The following RABGAP1L variants were observed in gnomAD, a reference collection of about 807,000 sequenced individuals.
RABGAP1L encodes rab GTPase-activating protein 1-like.
RABGAP1L carries 63 observed loss-of-function variants against 137.7 expected under a neutral mutation model. The ratio of observed to expected loss-of-function variants is 0.46; its 90% CI spans 0.37 to 0.56. RABGAP1L has a LOEUF of 0.56. Among genes scored for constraint, RABGAP1L ranks in the 20% least tolerant of loss-of-function variants. RABGAP1L has a pLI of 0.00. For missense variants in RABGAP1L, 1,095 were observed against 1,244.0 expected, an observed-to-expected ratio of 0.88 and a Z score of 1.80; for synonymous variants, 431 against 433.7, an observed-to-expected ratio of 0.99 and a Z score of 0.08.
rs1375247000 is a variant in RABGAP1L at position 174,567,219 on chromosome 1, T to A, written c.1711-70156T>A. 2.6e-5 allele frequency among the ~76,000 whole-genome samples: 4 copies of A among 152,172 alleles called. No individual in the cohort carries two copies. The East Asian group carries it at 7.7e-4, about 29-fold the overall frequency. On this transcript the variant is annotated intron_variant, in intron 13 of 25. Transcript: ENST00000681986. ...CAGCCCCTGGTAACCTACTCTACTT[T>A]GTCTTTATGAATTTGCCTATTCTAA...
intron 19 of RABGAP1L, among the ~76,000 whole-genome samples, chr1:174,925,723 C>G (rs775168342): frequency 6.6e-6 from 1 of 151,552 alleles, no homozygotes; most frequent in African/African-American, 2.4e-5. Flanking sequence ...TGAAAATGTT[C>G]TATATGTAAA....
At chr1:174,662,259 A>G (rs992135593) in intron 14 of RABGAP1L, among the ~76,000 whole-genome samples, 1 of 151,580 alleles carries the variant, frequency 6.6e-6, no homozygotes, top group Non-Finnish European at 1.5e-5. Context: ...GTGTACCACC[A>G]CGCCCAACTA....
chr1:174,926,006 G>T (rs567861148), intron 19 of RABGAP1L, among the ~76,000 whole-genome samples: 349 of 150,316 alleles, frequency 2.3e-3, no homozygotes, highest in Middle Eastern at 0.014. Flanking sequence ...TGGGTCTACA[G>T]GTGTGCGCCA....
intron 13 of RABGAP1L, among the ~76,000 whole-genome samples, chr1:174,403,711 C>A (rs1648917854): frequency 6.6e-6 from 1 of 151,718 alleles, no homozygotes; most frequent in Non-Finnish European, 1.5e-5. Context: ...TAGGTAACTT[C>A]CAGTTACAAA....
At chr1:174,283,663 C>T (rs1675784666) in intron 10 of RABGAP1L, among the ~76,000 whole-genome samples, 2 of 152,012 alleles carry the variant, frequency 1.3e-5, no homozygotes, top group Admixed American at 6.6e-5. Context: ...CCCACCACCA[C>T]GCCTGTCTAA....
At chr1:174,301,588 G>C (rs1677712496) in intron 10 of RABGAP1L, among the ~76,000 whole-genome samples, 1 of 151,848 alleles carries the variant, frequency 6.6e-6, no homozygotes, top group Non-Finnish European at 1.5e-5. Flanking sequence ...ATCACGCTGA[G>C]AATTGAAGAG....
intron 13 of RABGAP1L, among the ~76,000 whole-genome samples, chr1:174,561,371 A>G (rs148187141): frequency 0.025 from 3,787 of 152,342 alleles, 60 homozygotes; most frequent in Non-Finnish European, 0.036. Context: ...ACACAAACAA[A>G]TGGAAAGACA....
intron 19 of RABGAP1L, among the ~76,000 whole-genome samples, chr1:174,909,957 G>A (rs1011689779): frequency 2.0e-5 from 3 of 152,182 alleles, no homozygotes; most frequent in African/African-American, 7.2e-5. Flanking sequence ...AGCTAACACG[G>A]TGAAACCCCG....
intron 1 of RABGAP1L, among the ~76,000 whole-genome samples, chr1:174,215,709 G>T (rs1004019115): frequency 6.6e-6 from 1 of 152,034 alleles, no homozygotes; most frequent in South Asian, 2.1e-4. Flanking sequence ...GGTAACCCTG[G>T]TACACTGTTG....
At chr1:174,800,510 T>G in intron 18 of RABGAP1L, 1 of 1,549,912 alleles carries the variant, frequency 6.5e-7, no homozygotes, top group South Asian at 1.2e-5. Context: ...GGTGAGATTG[T>G]TTTTCATTGA....
chr1:174,988,709 C>T lies in RABGAP1L; in HGVS notation c.2874C>T (p.Ala958=). The T allele has an allele frequency of 1.3e-6, 2 of 1,548,658 alleles. No individual in the cohort carries two copies. Among genetic ancestry groups the T allele is most frequent in the Non-Finnish European group, 1.7e-6 (2 of 1,146,044 alleles). ...AGGAGGGTGCTTTGAAACTAGCAGC[C>T]ACAGGCAGAGAGGACCAGGGAATTG... ...FSKEGALKLA[A]TGREDQGIET... is the part of the protein sequence containing the mutation. Residue 958 remains alanine (A), a synonymous_variant, in exon 25 of 26, where the codon GCC becomes GCT. Coordinates refer to ENST00000681986, the MANE Select transcript of RABGAP1L (RefSeq NM_001366446.1).
At chr1:174,332,393 T>G in intron 11 of RABGAP1L, among the ~76,000 whole-genome samples, 1 of 151,746 alleles carries the variant, frequency 6.6e-6, no homozygotes. Flanking sequence ...TATTTATTTA[T>G]TTATTTATTT....
At position 174,305,085 on chromosome 1, in the gene RABGAP1L, G is replaced by A; in HGVS notation, c.1423G>A (p.Gly475Arg). Residue 475 changes from glycine to arginine, a missense_variant, in exon 11 of 26, where the codon GGA (glycine) becomes AGA (arginine). Coordinates refer to ENST00000681986, the MANE Select transcript of RABGAP1L (RefSeq NM_001366446.1). The part of the protein sequence containing the change: ...DKEEPVTPTS[G>R]GGPMSPQDDE... The stretch of plus-strand genomic sequence containing the variant: ...GGAGGAACCAGTCACTCCTACTAGT[G>A]GAGGGGGTCCAATGTCACCCCAGGA... The A allele has an allele frequency of 6.4e-7, 1 of 1,553,860 alleles. No homozygotes were observed. The highest frequency in any genetic ancestry group is 8.6e-7 in the Non-Finnish European group (1 of 1,157,266).
At chr1:174,833,159 A>G (rs959516972) in intron 19 of RABGAP1L, among the ~76,000 whole-genome samples, 1 of 151,912 alleles carries the variant, frequency 6.6e-6, no homozygotes, top group African/African-American at 2.4e-5. Flanking sequence ...TCAAAATTTA[A>G]AAGTTGATTA....
intron 5 of RABGAP1L, among the ~76,000 whole-genome samples, chr1:174,247,254 A>G (rs1300803993): frequency 6.6e-6 from 1 of 152,214 alleles, no homozygotes; most frequent in African/African-American, 2.4e-5. Flanking sequence ...GGGTTTAACT[A>G]CCAATGTATG....
At chr1:174,733,690 A>G (rs1682698698) in intron 17 of RABGAP1L, among the ~76,000 whole-genome samples, 1 of 152,242 alleles carries the variant, frequency 6.6e-6, no homozygotes. Flanking sequence ...AGTCAGTCCA[A>G]ATTTCTGACC....
chr1:174,813,319 C>T (rs954189882), intron 19 of RABGAP1L, among the ~76,000 whole-genome samples: 12 of 151,958 alleles, frequency 7.9e-5, no homozygotes, highest in Admixed American at 7.9e-4. Flanking sequence ...ATAAGATTTC[C>T]TGATATATTA....
At chr1:174,160,408 C>T (rs1557988913) in intron 1 of RABGAP1L, among the ~76,000 whole-genome samples, 1 of 152,194 alleles carries the variant, frequency 6.6e-6, no homozygotes, top group African/African-American at 2.4e-5. Context: ...AAGGGGCCAC[C>T]GGCTAGCGGG....
intron 14 of RABGAP1L, among the ~76,000 whole-genome samples, chr1:174,649,748 G>A (rs1032906770): frequency 3.9e-5 from 6 of 152,142 alleles, no homozygotes; most frequent in African/African-American, 1.4e-4. Flanking sequence ...GAGACAATGG[G>A]TTTTTCTAGA....
Sources: allele counts gnomAD v4.1 joint callset (sites outside exome capture counted in the v4.1 genomes callset), GRCh38; gene constraint gnomAD v4.1.1; transcripts MANE v1.5; gene names NCBI Gene and HGNC (gene_info 2026-07-23, HGNC 2026-07-21).